Variants in ME1 observed in about 807,000 individuals in gnomAD.
The protein encoded by ME1 is NADP-dependent malic enzyme.
In ME1, 74 loss-of-function variants were observed where a neutral mutation model predicts 66.4. The ratio of observed to expected loss-of-function variants is 1.11; its 90% CI spans 0.92 to 1.35. The LOEUF is 1.35. Ranked by LOEUF, ME1 falls within the 40% of genes most tolerant of loss-of-function variation. The probability of loss-of-function intolerance (pLI) is 0.00; values close to 1 mark genes in which losing one functional copy is unlikely to be tolerated. For synonymous variants in ME1, 251 were observed against 235.6 expected (o/e 1.07, Z -0.60); for missense variants, 750 against 694.1 (o/e 1.08, Z -0.90).
intron 6 of ME1, among the ~76,000 whole-genome samples, chr6:83,297,824 G>C (rs1767630945): frequency 6.6e-6 from 1 of 152,010 alleles, no homozygotes; most frequent in African/African-American, 2.4e-5. Context: ...CCACTTATGA[G>C]TTCCTGTGTA....
chr6:83,292,133 A>C (rs969330307), intron 6 of ME1, among the ~76,000 whole-genome samples: 2 of 152,128 alleles, frequency 1.3e-5, no homozygotes, highest in African/African-American at 4.8e-5. Flanking sequence ...CAATTCATCA[A>C]ATTCATTCTC....
chr6:83,324,936 T>G (rs971115480), intron 5 of ME1, among the ~76,000 whole-genome samples: 5 of 152,034 alleles, frequency 3.3e-5, no homozygotes, highest in Non-Finnish European at 5.9e-5. Flanking sequence ...CAGGCCAATA[T>G]CTCTGACGAA....
intron 3 of ME1, among the ~76,000 whole-genome samples, chr6:83,397,162 C>T (rs779888180): frequency 1.1e-4 from 16 of 152,114 alleles, no homozygotes; most frequent in African/African-American, 3.6e-4. Flanking sequence ...AAGCTCAGCA[C>T]AGCAGTCAGT....
At chr6:83,242,412 T>C (rs917642388) in intron 7 of ME1, among the ~76,000 whole-genome samples, 1 of 152,172 alleles carries the variant, frequency 6.6e-6, no homozygotes, top group African/African-American at 2.4e-5. Flanking sequence ...ATAATTATAA[T>C]CCTCATGTGC....
chr6:83,306,364 T>C (rs1230491330), intron 6 of ME1, among the ~76,000 whole-genome samples: 1 of 151,994 alleles, frequency 6.6e-6, no homozygotes, highest in Non-Finnish European at 1.5e-5. Flanking sequence ...ATAATCTAAT[T>C]TTCAAATCGT....
At chr6:83,216,346 T>C in intron 13 of ME1, 152 bp downstream of exon 13, 1 of 642,666 alleles carries the variant, frequency 1.6e-6, no homozygotes. Context: ...TCCTAAGCTC[T>C]ACAGTGTCAG....
intron 7 of ME1, among the ~76,000 whole-genome samples, chr6:83,251,786 T>C (rs1008568157): frequency 2.0e-5 from 3 of 152,096 alleles, no homozygotes; most frequent in Admixed American, 6.5e-5. Flanking sequence ...CATCAGACCA[T>C]GCATTTTGGG....
At chr6:83,303,754 T>C (rs1024606147) in intron 6 of ME1, among the ~76,000 whole-genome samples, 4 of 152,148 alleles carry the variant, frequency 2.6e-5, no homozygotes, top group African/African-American at 9.7e-5. Flanking sequence ...CATTTAATTC[T>C]AATCCATCAT....
intron 3 of ME1, among the ~76,000 whole-genome samples, chr6:83,387,695 A>C (rs566458830): frequency 2.6e-5 from 4 of 152,306 alleles, no homozygotes; most frequent in Admixed American, 2.0e-4. Context: ...ATAAAAATGC[A>C]TTATTAAATG....
intron 5 of ME1, among the ~76,000 whole-genome samples, chr6:83,324,716 CAAAA>C (rs55866196): frequency 1.1e-3 from 53 of 49,320 alleles, no homozygotes; most frequent in African/African-American, 3.8e-3. Context: ...GCCTACCAAC[CAAAA>C]AAAAAAAAAA....
intron 3 of ME1, among the ~76,000 whole-genome samples, chr6:83,378,437 T>C (rs929923745): frequency 6.6e-6 from 1 of 152,072 alleles, no homozygotes; most frequent in Non-Finnish European, 1.5e-5. Flanking sequence ...CAATGAAAGA[T>C]ATAAAAGAAT....
At chr6:83,221,584 G>C (rs1368141723) in intron 12 of ME1, among the ~76,000 whole-genome samples, 1 of 152,076 alleles carries the variant, frequency 6.6e-6, no homozygotes, top group African/African-American at 2.4e-5. Flanking sequence ...GATAAGGAAG[G>C]CTTTCATAAT....
At chr6:83,419,373 G>A (rs1770222712) in intron 1 of ME1, among the ~76,000 whole-genome samples, 1 of 152,094 alleles carries the variant, frequency 6.6e-6, no homozygotes, top group African/African-American at 2.4e-5. Flanking sequence ...TCTGTTTTCG[G>A]TGTCTCTATA....
chr6:83,262,338 A>G (rs1458771401), intron 6 of ME1, among the ~76,000 whole-genome samples: 1 of 152,150 alleles, frequency 6.6e-6, no homozygotes, highest in Non-Finnish European at 1.5e-5. Flanking sequence ...TCTAGTTTGT[A>G]CCATTCCTTA....
intron 6 of ME1, among the ~76,000 whole-genome samples, chr6:83,255,306 A>G (rs564348805): frequency 1.3e-5 from 2 of 152,018 alleles, no homozygotes; most frequent in South Asian, 4.1e-4. Flanking sequence ...TTCATTAAGA[A>G]TAGTACCTTC....
intron 6 of ME1, among the ~76,000 whole-genome samples, chr6:83,278,962 C>T (rs1278349561): frequency 1.3e-5 from 2 of 152,164 alleles, no homozygotes; most frequent in African/African-American, 4.8e-5. Context: ...CACTAAAAAA[C>T]TGACAGCCAA....
intron 2 of ME1, among the ~76,000 whole-genome samples, chr6:83,400,036 C>T (rs1290075136): frequency 1.3e-5 from 2 of 152,220 alleles, no homozygotes; most frequent in African/African-American, 4.8e-5. Flanking sequence ...GCTCAATACA[C>T]TTTCTTTCAT....
chr6:83,399,097 G>A (rs1271316347), intron 2 of ME1, among the ~76,000 whole-genome samples: 2 of 151,834 alleles, frequency 1.3e-5, no homozygotes, highest in Non-Finnish European at 2.9e-5. Flanking sequence ...GGGTTCAAGC[G>A]TTTTCTCCTG....
Position 83,210,683 on chromosome 6 carries a change from C to T in ME1, c.*1241G>A, listed in dbSNP as rs897587470. The T allele has an allele frequency of 7.2e-5, 11 of 152,162 alleles. No individual in the cohort carries two copies. Among genetic ancestry groups the T allele is most frequent in the Non-Finnish European group, 1.6e-4 (11 of 68,018 alleles). The allele number at this position is 152,162 out of a possible 1,614,324, so 9.4% of individuals were successfully genotyped here. Reference sequence around the variant, plus strand: ...TATAATTTATCTTGAATATCTTATACTCCTTAAAGCATTACTTCAAAAACA... The same window carrying T: ...TATAATTTATCTTGAATATCTTATATTCCTTAAAGCATTACTTCAAAAACA... On this transcript the variant is annotated 3_prime_UTR_variant, in exon 14 of 14. Transcript: ENST00000369705.
Sources: gnomAD v4.1 joint callset for allele counts (sites outside exome capture counted in the v4.1 genomes callset) on GRCh38, gnomAD v4.1.1 for gene constraint, MANE v1.5 for transcripts, NCBI Gene and HGNC (gene_info 2026-07-23, HGNC 2026-07-21) for gene names.